Variants in ACTR3C observed in about 807,000 individuals in gnomAD.
The protein encoded by ACTR3C is actin-related protein 3C.
ACTR3C carries 18 observed loss-of-function variants against 26.3 expected under a neutral mutation model. That is an observed-to-expected ratio of 0.68 (90% CI 0.47 to 1.01). The LOEUF is 1.01. ACTR3C is among the 50% of genes least tolerant of loss of function. The pLI is 0.00. For synonymous variants in ACTR3C, 55 were observed against 94.5 expected (o/e 0.58, Z 2.42); for missense variants, 184 against 250.7 (o/e 0.73, Z 1.80).
the ACTR3C span, among the ~76,000 whole-genome samples, chr7:150,083,310 A>G: frequency 6.6e-6 from 1 of 151,886 alleles, no homozygotes; most frequent in Non-Finnish European, 1.5e-5. Flanking sequence ...TCACATCTGT[A>G]ATCCCAGCAC....
intron 6 of ACTR3C, among the ~76,000 whole-genome samples, chr7:150,271,006 A>T (rs1834408547): frequency 6.6e-6 from 1 of 150,914 alleles, no homozygotes; most frequent in Non-Finnish European, 1.5e-5. Context: ...AGAACACAAC[A>T]CCATCAACAC....
At chr7:149,966,430 T>C in the ACTR3C span, among the ~76,000 whole-genome samples, 4 of 152,228 alleles carry the variant, frequency 2.6e-5, no homozygotes, top group African/African-American at 9.6e-5. Context: ...CATCCAGCAC[T>C]CAAGAAGGTC....
chr7:150,006,213 T>TATTTA, the ACTR3C span, among the ~76,000 whole-genome samples: 1 of 151,730 alleles, frequency 6.6e-6, no homozygotes, highest in Admixed American at 6.6e-5. Context: ...TTTATTTATT[T>TATTTA]TGAGAAGGAG....
chr7:150,151,361 G>A, the ACTR3C span, among the ~76,000 whole-genome samples: 4 of 137,414 alleles, frequency 2.9e-5, 1 homozygote, highest in African/African-American at 1.0e-4. Context: ...ACTAATTTGT[G>A]GTATTCTCTT....
the ACTR3C span, among the ~76,000 whole-genome samples, chr7:150,136,961 G>A: frequency 6.6e-6 from 1 of 152,132 alleles, no homozygotes; most frequent in African/African-American, 2.4e-5. Context: ...TCAGATATTA[G>A]GCATTAGATT....
the ACTR3C span, among the ~76,000 whole-genome samples, chr7:150,193,035 C>T: frequency 5.9e-5 from 9 of 152,174 alleles, no homozygotes; most frequent in Admixed American, 2.6e-4. Flanking sequence ...TCCCAAACTT[C>T]CTTATAAAAG....
intron 1 of ACTR3C, among the ~76,000 whole-genome samples, chr7:150,314,663 C>T (rs1796657521): frequency 6.6e-6 from 1 of 151,322 alleles, no homozygotes; most frequent in Non-Finnish European, 1.5e-5. Context: ...ATGTTTAAGG[C>T]TGAGCTTGGT....
the ACTR3C span, among the ~76,000 whole-genome samples, chr7:149,886,071 C>G: frequency 6.6e-6 from 1 of 152,232 alleles, no homozygotes; most frequent in Admixed American, 6.5e-5. Flanking sequence ...AGATAATGGA[C>G]TAAAGTGCTC....
the ACTR3C span, among the ~76,000 whole-genome samples, chr7:150,023,519 G>C: frequency 6.6e-6 from 1 of 151,658 alleles, no homozygotes; most frequent in Non-Finnish European, 1.5e-5. Context: ...ATTTTTAGTA[G>C]AGATGGGGTT....
the ACTR3C span, among the ~76,000 whole-genome samples, chr7:150,069,834 G>T: frequency 6.6e-6 from 1 of 152,212 alleles, no homozygotes; most frequent in African/African-American, 2.4e-5. Context: ...GCTGCTTCCA[G>T]AAGGGGTAGA....
chr7:150,190,232 G>A, the ACTR3C span, among the ~76,000 whole-genome samples: 1 of 152,114 alleles, frequency 6.6e-6, no homozygotes. Flanking sequence ...GTTTACATCT[G>A]TTTCCTCATT....
the ACTR3C span, among the ~76,000 whole-genome samples, chr7:150,209,355 G>C: frequency 1.3e-5 from 2 of 150,278 alleles, no homozygotes; most frequent in African/African-American, 5.0e-5. Context: ...GGAAATATTT[G>C]CAGAAATAGT....
chr7:150,061,343 A>T, the ACTR3C span, among the ~76,000 whole-genome samples: 1 of 150,158 alleles, frequency 6.7e-6, no homozygotes, highest in Non-Finnish European at 1.5e-5. Flanking sequence ...ATCTTTGAAA[A>T]ACTACAGATT....
chr7:150,302,787 AC>A (rs1229122801), intron 1 of ACTR3C: 2 of 151,642 alleles, frequency 1.3e-5, no homozygotes, highest in Non-Finnish European at 2.9e-5. Context: ...GATCACACAA[AC>A]TCCTCATCTA....
chr7:150,168,356 A>G, the ACTR3C span, among the ~76,000 whole-genome samples: 3 of 150,540 alleles, frequency 2.0e-5, no homozygotes, highest in Non-Finnish European at 4.4e-5. Context: ...TAGTCTGTGC[A>G]CTCCTTATGA....
At chr7:150,233,633 T>C in the ACTR3C span, among the ~76,000 whole-genome samples, 4 of 152,066 alleles carry the variant, frequency 2.6e-5, no homozygotes, top group Admixed American at 1.3e-4. Flanking sequence ...AGACATTCTT[T>C]ATTTATGTCA....
At chr7:150,034,289 C>A in the ACTR3C span, among the ~76,000 whole-genome samples, 2 of 149,532 alleles carry the variant, frequency 1.3e-5, no homozygotes, top group Non-Finnish European at 3.0e-5. Flanking sequence ...CGTAGGCTAC[C>A]GGCCTCAGCC....
At chr7:150,141,269 T>A in the ACTR3C span, among the ~76,000 whole-genome samples, 3 of 152,226 alleles carry the variant, frequency 2.0e-5, no homozygotes, top group Non-Finnish European at 4.4e-5. Context: ...TCCTTTATCA[T>A]CTCAAGAAGT....
At chr7:150,150,704 A>G in the ACTR3C span, among the ~76,000 whole-genome samples, 6 of 138,794 alleles carry the variant, frequency 4.3e-5, 1 homozygote, top group Admixed American at 7.3e-5. Context: ...TATTTCAATC[A>G]TTTTAAAGGA....
Sources: gnomAD v4.1 joint callset for allele counts (sites outside exome capture counted in the v4.1 genomes callset) on GRCh38, gnomAD v4.1.1 for gene constraint, MANE v1.5 for transcripts, NCBI Gene and HGNC (gene_info 2026-07-23, HGNC 2026-07-21) for gene names.